Variants in ZFYVE16 observed in about 807,000 individuals in gnomAD.
ZFYVE16 encodes zinc finger FYVE-type containing 16.
Under a neutral mutation model 138.1 loss-of-function variants are expected in ZFYVE16, and 89 were observed. The ratio of observed to expected loss-of-function variants is 0.64; its 90% confidence interval spans 0.54 to 0.77. The LOEUF is 0.77. Among genes scored for constraint, ZFYVE16 ranks in the 30% least tolerant of loss-of-function variants. The pLI, the probability that ZFYVE16 is intolerant of heterozygous loss-of-function variation, is 0.00. For synonymous variants in ZFYVE16, 596 were observed against 618.3 expected, an observed-to-expected ratio of 0.96 and a Z score of 0.53; for missense variants, 1,793 against 1,786.7, an observed-to-expected ratio of 1.00 and a Z score of -0.06.
chr5:80,440,765 T>C, intron 5 of ZFYVE16: 2 of 984,814 alleles, frequency 2.0e-6, no homozygotes, highest in Non-Finnish European at 2.4e-6. Flanking sequence ...TTTCAAAGAT[T>C]CGTTGACAGT....
At chr5:80,439,558 T>G (rs1044021522) in intron 4 of ZFYVE16, among the ~76,000 whole-genome samples, 1 of 147,254 alleles carries the variant, frequency 6.8e-6, no homozygotes, top group Non-Finnish European at 1.5e-5. Context: ...TTCAGTAATA[T>G]GTTGGTTTCA....
In ZFYVE16 at chr5:80,425,714, C is replaced by G. The variant is rs182613358; in HGVS notation, c.-93-1778C>G. Among the ~76,000 whole-genome samples, 186 of 152,192 alleles carry G rather than the reference C, an allele frequency of 1.2e-3. 2 individuals are homozygous for G. Among genetic ancestry groups the G allele is most frequent in the African/African-American group, 4.3e-3 (179 of 41,538 alleles). The stretch of plus-strand genomic sequence containing the variant: ...TATGCTTGACTTTCCTGTAAACATG[C>G]AGTTAGTTTGATTAGATTCAGATGC... On this transcript the variant is annotated intron_variant, in intron 1 of 18. Transcript: ENST00000505560.
At chr5:80,436,642 A>C in intron 3 of ZFYVE16, 114 bp from the exon 4 acceptor site, 4 of 934,428 alleles carry the variant, frequency 4.3e-6, no homozygotes, top group Non-Finnish European at 6.2e-6. Flanking sequence ...GCAAAAGGAT[A>C]ATCTATGTTC....
chr5:80,439,448 G>A (rs1239186117), intron 4 of ZFYVE16, among the ~76,000 whole-genome samples: 1 of 152,136 alleles, frequency 6.6e-6, no homozygotes, highest in Non-Finnish European at 1.5e-5. Context: ...GAATACTGAA[G>A]CTGACCTTGA....
chr5:80,469,787 AT>A (rs1055794118), intron 15 of ZFYVE16, among the ~76,000 whole-genome samples: 3 of 133,550 alleles, frequency 2.2e-5, no homozygotes, highest in African/African-American at 7.9e-5. Flanking sequence ...CTTTTCACTG[AT>A]TTTTCTTTAT....
rs374410876 is a variant in ZFYVE16 at position 80,440,044 on chromosome 5, C to T, written c.2419+12C>T. The T allele has an allele frequency of 4.6e-5, 73 of 1,578,622 alleles. No homozygotes were observed. Among genetic ancestry groups the T allele is most frequent in the Non-Finnish European group, 6.0e-5 (70 of 1,165,170 alleles). On this transcript the variant is annotated intron_variant, in intron 5 of 18. Coordinates refer to ENST00000505560, the MANE Select transcript of ZFYVE16 (RefSeq NM_001284236.3). Reference sequence around the variant, plus strand: ...AACTATTAGTAAAGGTGAGTATTAACTTGATATATTTTCTTCCAGTAATTG... The same window carrying T: ...AACTATTAGTAAAGGTGAGTATTAATTTGATATATTTTCTTCCAGTAATTG...
chr5:80,471,572 A>G (rs1196035979), intron 15 of ZFYVE16, among the ~76,000 whole-genome samples: 1 of 152,148 alleles, frequency 6.6e-6, no homozygotes, highest in Non-Finnish European at 1.5e-5. Flanking sequence ...TATCCAGTGC[A>G]TCGTTGGCAC....
chr5:80,458,618 G>T (rs1752779352), intron 14 of ZFYVE16, among the ~76,000 whole-genome samples: 1 of 151,996 alleles, frequency 6.6e-6, no homozygotes, highest in South Asian at 2.1e-4. Context: ...CCTTATTGAT[G>T]GGCATAATTT....
intron 15 of ZFYVE16, among the ~76,000 whole-genome samples, chr5:80,471,356 GC>G (rs1286799094): frequency 1.3e-5 from 2 of 152,178 alleles, no homozygotes; most frequent in Non-Finnish European, 2.9e-5. Flanking sequence ...GAAAGACTGT[GC>G]TTCTGTTTTA....
chr5:80,439,844 T>C (rs1376452562), intron 4 of ZFYVE16, 92 bp from the exon 5 acceptor site: 6 of 807,648 alleles, frequency 7.4e-6, no homozygotes, highest in Non-Finnish European at 1.1e-5. Context: ...AAAAGAATTT[T>C]GGTTAATTAG....
intron 1 of ZFYVE16, among the ~76,000 whole-genome samples, chr5:80,424,817 C>T (rs1482546090): frequency 7.9e-5 from 12 of 152,110 alleles, no homozygotes; most frequent in Admixed American, 2.6e-4. Context: ...CTTCTATGTG[C>T]GTGGTATAAC....
At position 80,438,925 on chromosome 5, in the gene ZFYVE16, ATTCAGAAGC is replaced by A; in HGVS notation, c.2242_2250del (p.Ser748_Ala750del). On this transcript the variant is annotated inframe_deletion, in exon 4 of 19. Coordinates refer to ENST00000505560, the MANE Select transcript of ZFYVE16 (RefSeq NM_001284236.3). ...CAGAAACAGCCTACTTGGGTTCCTG[ATTCAGAAGC>A]TCCAAACTGTATGAACTGCCAAGTC... 6.2e-7 allele frequency: 1 copy of A among 1,614,106 alleles called. No homozygotes were observed. The highest frequency in any genetic ancestry group is 8.5e-7 in the Non-Finnish European group (1 of 1,179,964).
At chr5:80,417,677 A>G (rs947385929) in intron 1 of ZFYVE16, among the ~76,000 whole-genome samples, 4 of 152,230 alleles carry the variant, frequency 2.6e-5, no homozygotes, top group African/African-American at 9.6e-5. Context: ...ACTGAATAAT[A>G]TTCCATTGGA....
At chr5:80,453,622 T>C (rs534254908) in intron 11 of ZFYVE16, among the ~76,000 whole-genome samples, 15 of 152,326 alleles carry the variant, frequency 9.8e-5, no homozygotes, top group Non-Finnish European at 1.9e-4. Context: ...TCAGCTGTTT[T>C]CTGAATTCTT....
intron 15 of ZFYVE16, among the ~76,000 whole-genome samples, chr5:80,461,621 T>A (rs527753919): frequency 6.6e-6 from 1 of 152,310 alleles, no homozygotes; most frequent in African/African-American, 2.4e-5. Context: ...CCTTGGCTTG[T>A]GGCCTTTTCT....
At chr5:80,435,880 T>G (rs1749835627) in intron 3 of ZFYVE16, 1 of 205,006 alleles carries the variant, frequency 4.9e-6, no homozygotes, top group Non-Finnish European at 1.0e-5. Context: ...TGGCCACAAC[T>G]AAGTTATTTT....
In ZFYVE16 at chr5:80,477,271, A is replaced by G; in HGVS notation, c.4514A>G (p.Asn1505Ser). Residue 1505 changes from asparagine (N) to serine (S), a missense_variant, in exon 19 of 19, where the codon AAT (asparagine) becomes AGT (serine). By Grantham distance (46) the Asn-to-Ser change is conservative (BLOSUM62 1). Transcript: ENST00000505560. ...CAACTTCTGCCTCAGCATTATCTAA[A>G]TGATCTTGATAGTGCTCTGATACCT... Reference protein sequence around the residue: ...EGQLLPQHYLNDLDSALIPVI... With the variant: ...EGQLLPQHYLSDLDSALIPVI... 6.2e-7 allele frequency: 1 copy of G among 1,606,982 alleles called. No individual in the cohort carries two copies. The highest frequency in any genetic ancestry group is 8.5e-7 in the Non-Finnish European group (1 of 1,177,892).
At position 80,437,708 on chromosome 5, in the gene ZFYVE16, T is replaced by C; in HGVS notation, c.1023T>C (p.Ser341=). 2 of 1,613,920 alleles carry C rather than the reference T, an allele frequency of 1.2e-6. No homozygotes were observed. Among genetic ancestry groups the C allele is most frequent in the South Asian group, 2.2e-5 (2 of 91,048 alleles). The change falls in exon 4 of 19, where the codon TCT becomes TCC. Residue 341 remains serine, a synonymous_variant. Coordinates refer to ENST00000505560, the MANE Select transcript of ZFYVE16 (RefSeq NM_001284236.3). ...FQEDKTVIKQ[S]AQEDSKSLDL... is the part of the protein sequence containing the mutation. ...AAGATAAGACTGTTATAAAACAATC[T>C]GCACAAGAAGACTCAAAAAGTTTAG...
Position 80,434,098 on chromosome 5 carries a change from C to A in ZFYVE16, c.-39-11C>A. On this transcript the variant is annotated splice_polypyrimidine_tract_variant and intron_variant, in intron 2 of 18. Transcript: ENST00000505560. The stretch of plus-strand genomic sequence containing the variant: ...ATTAAATGAAATATTATTATACTTT[C>A]TATTTTTTAGGCATACAAGAATTAA... The A allele has an allele frequency of 3.3e-6, 5 of 1,518,654 alleles. No homozygotes were observed. The South Asian group carries it at 5.8e-5, about 18-fold the overall frequency. 94.1% of individuals were successfully genotyped at this position (1,518,654 alleles called of 1,614,324 possible).
Sources: gnomAD v4.1 joint callset for allele counts (sites outside exome capture counted in the v4.1 genomes callset) on GRCh38, gnomAD v4.1.1 for gene constraint, MANE v1.5 for transcripts, NCBI Gene and HGNC (gene_info 2026-07-23, HGNC 2026-07-21) for gene names.